Variants in FBXL7 observed in about 807,000 individuals in gnomAD.
The protein encoded by FBXL7 is F-box/LRR-repeat protein 7.
A neutral mutation model predicts 38.3 loss-of-function variants in FBXL7; 12 were observed. The observed-to-expected ratio is 0.31, with a 90% CI of 0.20 to 0.51. The LOEUF is 0.51. Ranked by LOEUF, FBXL7 falls within the 20% of genes least tolerant of loss-of-function variation. FBXL7 has a pLI of 0.98. For missense variants in FBXL7, 567 were observed against 676.4 expected, an observed-to-expected ratio of 0.84 and a Z score of 1.79; for synonymous variants, 297 against 300.9, an observed-to-expected ratio of 0.99 and a Z score of 0.13.
intron 1 of FBXL7, among the ~76,000 whole-genome samples, chr5:15,530,572 G>A (rs1030396035): frequency 2.0e-5 from 3 of 152,168 alleles, no homozygotes; most frequent in Non-Finnish European, 4.4e-5. Context: ...CTAATGTTTG[G>A]TGATTCACTA....
intron 2 of FBXL7, among the ~76,000 whole-genome samples, chr5:15,744,999 A>G (rs1735978733): frequency 1.3e-5 from 2 of 152,184 alleles, no homozygotes; most frequent in Non-Finnish European, 2.9e-5. Flanking sequence ...CTCTCAGGAA[A>G]CACTGGGATT....
chr5:15,884,376 C>A (rs1370024610), intron 2 of FBXL7, among the ~76,000 whole-genome samples: 1 of 152,050 alleles, frequency 6.6e-6, no homozygotes, highest in Non-Finnish European at 1.5e-5. Flanking sequence ...ACACCATTCT[C>A]CTGCCTCAGC....
At chr5:15,556,998 C>T (rs9312891) in intron 1 of FBXL7, among the ~76,000 whole-genome samples, 60,339 of 152,042 alleles carry the variant, frequency 0.4, 12,717 homozygotes, top group African/African-American at 0.53. Flanking sequence ...AGTGCGGTGG[C>T]GCGATCTCGG....
intron 2 of FBXL7, among the ~76,000 whole-genome samples, chr5:15,879,188 G>C (rs935410990): frequency 6.6e-6 from 1 of 152,138 alleles, no homozygotes; most frequent in East Asian, 1.9e-4. Context: ...AAATATGCTA[G>C]TATGCTAGCC....
chr5:15,639,910 C>G (rs1191947345), intron 2 of FBXL7, among the ~76,000 whole-genome samples: 1 of 152,112 alleles, frequency 6.6e-6, no homozygotes, highest in Admixed American at 6.6e-5. Flanking sequence ...TTGGCCAGCT[C>G]TGTGCTGCTT....
chr5:15,822,233 G>A (rs191842282), intron 2 of FBXL7, among the ~76,000 whole-genome samples: 8 of 151,350 alleles, frequency 5.3e-5, no homozygotes, highest in East Asian at 1.9e-4. Context: ...TTGGTGGCAC[G>A]TGCCTATAGT....
At chr5:15,572,848 G>C (rs1164194597) in intron 1 of FBXL7, among the ~76,000 whole-genome samples, 1 of 152,152 alleles carries the variant, frequency 6.6e-6, no homozygotes, top group Admixed American at 6.5e-5. Flanking sequence ...ACACCCCCAA[G>C]ATACCAGTAT....
At chr5:15,757,511 T>C (rs1398684718) in intron 2 of FBXL7, among the ~76,000 whole-genome samples, 1 of 151,368 alleles carries the variant, frequency 6.6e-6, no homozygotes, top group Non-Finnish European at 1.5e-5. Flanking sequence ...ACATTCCTGC[T>C]GAAACTCTGT....
intron 2 of FBXL7, among the ~76,000 whole-genome samples, chr5:15,794,377 C>T (rs1045001974): frequency 2.0e-5 from 3 of 152,088 alleles, no homozygotes; most frequent in African/African-American, 7.2e-5. Flanking sequence ...AAAATTACAA[C>T]AATGTTAAAG....
chr5:15,836,322 A>G (rs1738590966), intron 2 of FBXL7, among the ~76,000 whole-genome samples: 1 of 152,216 alleles, frequency 6.6e-6, no homozygotes, highest in African/African-American at 2.4e-5. Context: ...AAGACGGACA[A>G]TAAGAAACAT....
chr5:15,904,677 A>T (rs893356222), intron 2 of FBXL7, among the ~76,000 whole-genome samples: 2 of 152,008 alleles, frequency 1.3e-5, no homozygotes, highest in African/African-American at 2.4e-5. Context: ...ATTTTTCCCT[A>T]AAAAAATCTC....
intron 1 of FBXL7, among the ~76,000 whole-genome samples, chr5:15,582,194 C>T (rs964544996): frequency 2.0e-5 from 3 of 152,206 alleles, no homozygotes; most frequent in Non-Finnish European, 4.4e-5. Context: ...CCACCTCAGC[C>T]TCCCAGAGTG....
At chr5:15,653,405 A>G (rs1429845521) in intron 2 of FBXL7, among the ~76,000 whole-genome samples, 1 of 152,208 alleles carries the variant, frequency 6.6e-6, no homozygotes, top group Non-Finnish European at 1.5e-5. Flanking sequence ...TATTACCCAC[A>G]GGAAAGAAAC....
At chr5:15,917,337 A>T (rs929239579) in intron 2 of FBXL7, among the ~76,000 whole-genome samples, 14 of 151,700 alleles carry the variant, frequency 9.2e-5, no homozygotes, top group South Asian at 4.2e-4. Flanking sequence ...ATTTTGAAAT[A>T]AAAAAAAATC....
chr5:15,674,736 A>G (rs1742596201), intron 2 of FBXL7, among the ~76,000 whole-genome samples: 1 of 152,252 alleles, frequency 6.6e-6, no homozygotes, highest in Non-Finnish European at 1.5e-5. Flanking sequence ...CCTAATCACA[A>G]AAACGCAACT....
intron 1 of FBXL7, among the ~76,000 whole-genome samples, chr5:15,505,235 T>C (rs1438930700): frequency 6.6e-6 from 1 of 152,180 alleles, no homozygotes; most frequent in Non-Finnish European, 1.5e-5. Flanking sequence ...AGCGACCCAC[T>C]TCATCCTCGC....
At chr5:15,665,161 G>A (rs13177283) in intron 2 of FBXL7, among the ~76,000 whole-genome samples, 23,826 of 152,080 alleles carry the variant, frequency 0.16, 1,959 homozygotes, top group Non-Finnish European at 0.18. Flanking sequence ...GCTCCCAGCA[G>A]TAGCTATCAT....
At chr5:15,507,079 C>T (rs1736667949) in intron 1 of FBXL7, among the ~76,000 whole-genome samples, 1 of 151,502 alleles carries the variant, frequency 6.6e-6, no homozygotes. Flanking sequence ...AGGCCCAGGG[C>T]GTGCTCTTCA....
Position 15,654,837 on chromosome 5 carries a change from A to G in FBXL7, c.127+38765A>G, listed in dbSNP as rs1231907471. 4.6e-5 allele frequency among the ~76,000 whole-genome samples: 7 copies of G among 152,236 alleles called. 1 individual carries two copies. The East Asian group carries it at 9.6e-4, about 21-fold the overall frequency. Reference sequence around the variant, plus strand: ...AAAATTCATGTAATAGGATTCTACCATAAGTCTTACTTTATTTTTATATAT... The same window carrying G: ...AAAATTCATGTAATAGGATTCTACCGTAAGTCTTACTTTATTTTTATATAT... On this transcript the variant is annotated intron_variant, in intron 2 of 3. Transcript: ENST00000504595.
Sources: allele counts gnomAD v4.1 joint callset (sites outside exome capture counted in the v4.1 genomes callset), GRCh38; gene constraint gnomAD v4.1.1; transcripts MANE v1.5; gene names NCBI Gene and HGNC (gene_info 2026-07-23, HGNC 2026-07-21).